The following VPS35L variants were observed in gnomAD, a reference collection of about 807,000 sequenced individuals.
VPS35L encodes VPS35 endosomal protein-sorting factor-like.
Under a neutral mutation model 133.0 loss-of-function variants are expected in VPS35L, and 83 were observed. The observed-to-expected ratio is 0.62, with a 90% CI of 0.52 to 0.75. The LOEUF is 0.75. Ranked by LOEUF, VPS35L falls within the 30% of genes least tolerant of loss-of-function variation. VPS35L has a pLI of 0.00. For missense variants in VPS35L, 1,083 were observed against 1,206.8 expected (o/e 0.90, Z 1.52); for synonymous variants, 423 against 449.9 (o/e 0.94, Z 0.76).
At chr16:19,643,958 CAAAACA>C (rs897237986) in intron 22 of VPS35L, among the ~76,000 whole-genome samples, 6 of 151,874 alleles carry the variant, frequency 4.0e-5, no homozygotes, top group South Asian at 2.1e-4. Flanking sequence ...AACTCCATCT[CAAAACA>C]AAAACAAAAA....
intron 29 of VPS35L, among the ~76,000 whole-genome samples, chr16:19,694,975 C>T (rs1186778721): frequency 6.6e-6 from 1 of 150,956 alleles, no homozygotes; most frequent in Non-Finnish European, 1.5e-5. Context: ...CACTGCACTC[C>T]AGCCTGGGTG....
At chr16:19,604,065 G>T (rs1482143255) in intron 9 of VPS35L, among the ~76,000 whole-genome samples, 1 of 151,450 alleles carries the variant, frequency 6.6e-6, no homozygotes, top group East Asian at 1.9e-4. Context: ...TTGCCAGCAT[G>T]TAGCATGCTA....
At chr16:19,679,411 T>A (rs1008126584) in intron 27 of VPS35L, among the ~76,000 whole-genome samples, 1 of 129,352 alleles carries the variant, frequency 7.7e-6, no homozygotes, top group Non-Finnish European at 1.6e-5. Flanking sequence ...CACACGTGGC[T>A]AATTTTTTTT....
Position 19,699,019 on chromosome 16 carries a change from A to G in VPS35L, c.2647-483A>G, listed in dbSNP as rs2151633382. On this transcript the variant is annotated intron_variant, in intron 29 of 30. Transcript: ENST00000417362. This position sits in a 1 kb window ranked among gnomAD's most constrained non-coding sequence, Gnocchi z 4.2. ...CGTGTAAAGGCTGGATATGGGCACC[A>G]AGGATTGGGGAGCTCAGTTCGGGAG... 6.6e-6 allele frequency among the ~76,000 whole-genome samples: 1 copy of G among 152,310 alleles called. No homozygotes were observed. Among genetic ancestry groups the G allele is most frequent in the East Asian group, 1.9e-4 (1 of 5,184 alleles).
At chr16:19,648,226 A>G (rs904598779) in intron 24 of VPS35L, among the ~76,000 whole-genome samples, 2 of 151,982 alleles carry the variant, frequency 1.3e-5, no homozygotes, top group Admixed American at 1.3e-4. Context: ...TGGCCTCCCA[A>G]AATGCTGGGA....
At chr16:19,563,700 CAGTG>C (rs1971096447) in intron 1 of VPS35L, among the ~76,000 whole-genome samples, 1 of 152,344 alleles carries the variant, frequency 6.6e-6, no homozygotes, top group East Asian at 1.9e-4. Context: ...AATGAAAACA[CAGTG>C]AGCTCTTCAT....
intron 19 of VPS35L, among the ~76,000 whole-genome samples, chr16:19,634,027 A>G (rs767833931): frequency 7.2e-5 from 11 of 151,918 alleles, no homozygotes; most frequent in Non-Finnish European, 1.3e-4. Context: ...CACCCGGCCA[A>G]CTGTTAACAT....
chr16:19,667,033 G>A (rs559095732), intron 26 of VPS35L, among the ~76,000 whole-genome samples: 16 of 146,420 alleles, frequency 1.1e-4, no homozygotes, highest in African/African-American at 3.3e-4. Context: ...GCCCAGGCTC[G>A]GCTCACTGCA....
rs1974149256 is a variant in VPS35L at position 19,652,099 on chromosome 16, A to G, written c.2221+9A>G. On this transcript the variant is annotated intron_variant, in intron 26 of 30. Transcript: ENST00000417362. ...CCAGTGCCTCTCCCAAGGTAAGTCC[A>G]TCATTCTCTCATCTCGGGCACTCCC... 1.3e-6 allele frequency: 2 copies of G among 1,543,840 alleles called. No homozygotes were observed. The highest frequency in any genetic ancestry group is 2.3e-5 in the South Asian group (2 of 86,798).
intron 27 of VPS35L, among the ~76,000 whole-genome samples, chr16:19,680,192 G>T (rs1548446): frequency 6.6e-6 from 1 of 151,964 alleles, no homozygotes; most frequent in Non-Finnish European, 1.5e-5. Context: ...ATGGGGCTTC[G>T]TCGTAGTATC....
At chr16:19,692,634 G>T (rs1018892557) in intron 29 of VPS35L, among the ~76,000 whole-genome samples, 2 of 152,052 alleles carry the variant, frequency 1.3e-5, no homozygotes, top group African/African-American at 4.8e-5. Flanking sequence ...CATGATCTTA[G>T]CTCACTGCAA....
chr16:19,700,637 A>T lies in VPS35L; in HGVS notation c.*161A>T, dbSNP rs1414286481. The T allele has an allele frequency of 1.6e-6, 1 of 610,410 alleles. No individual in the cohort carries two copies. Among genetic ancestry groups the T allele is most frequent in the Non-Finnish European group, 2.9e-6 (1 of 347,314 alleles). 37.8% of individuals were successfully genotyped at this position (610,410 alleles called of 1,614,324 possible). A position where few individuals can be genotyped will look rare whatever the true frequency, so the allele number is the denominator to read the frequency against. ...TTTGGCCTCTATCCAGGTTATTCTG[A>T]CAATGAAGAAATGGGAGTTGTCAGA... On this transcript the variant is annotated 3_prime_UTR_variant, in exon 31 of 31. Coordinates refer to ENST00000417362, the MANE Select transcript of VPS35L (RefSeq NM_020314.7).
chr16:19,613,810 A>G (rs931795690), intron 12 of VPS35L, among the ~76,000 whole-genome samples: 17 of 152,154 alleles, frequency 1.1e-4, no homozygotes, highest in Admixed American at 2.0e-4. Context: ...CACAAACCTC[A>G]TGGTCCAAGA....
At chr16:19,663,669 CTTTTTT>C (rs59826351) in intron 26 of VPS35L, among the ~76,000 whole-genome samples, 9 of 63,916 alleles carry the variant, frequency 1.4e-4, no homozygotes, top group African/African-American at 2.1e-4. Context: ...GCAGTAATTT[CTTTTTT>C]TTTTTTTTTT....
At chr16:19,589,417 T>A (rs973116133) in intron 7 of VPS35L, among the ~76,000 whole-genome samples, 3 of 152,094 alleles carry the variant, frequency 2.0e-5, no homozygotes, top group African/African-American at 7.2e-5. Flanking sequence ...ATAATTTTTG[T>A]ATTTTTTGTA....
At chr16:19,698,503 G>C (rs1042335382) in intron 29 of VPS35L, among the ~76,000 whole-genome samples, 1 of 152,130 alleles carries the variant, frequency 6.6e-6, no homozygotes, top group Non-Finnish European at 1.5e-5. Context: ...AGCAGCACCG[G>C]GATTCATGTT....
chr16:19,607,936 G>T (rs1169277551), intron 9 of VPS35L: 1 of 460,112 alleles, frequency 2.2e-6, no homozygotes, highest in Non-Finnish European at 3.9e-6. Context: ...TACCTCAGAG[G>T]GTTGCTATAT....
At position 19,626,180 on chromosome 16, in the gene VPS35L, C is replaced by T. The variant is rs750398116; in HGVS notation, c.1228C>T (p.Leu410=). 2 of 1,591,792 alleles carry T rather than the reference C, an allele frequency of 1.3e-6. No individual in the cohort carries two copies. Among genetic ancestry groups the T allele is most frequent in the Non-Finnish European group, 1.7e-6 (2 of 1,165,176 alleles). Reference sequence around the variant, plus strand: ...ATTATTATTTTTAACATAATAGGCTCTGCTGACCGAGATGATGGAAAGGTG... The same window carrying T: ...ATTATTATTTTTAACATAATAGGCTTTGCTGACCGAGATGATGGAAAGGTG... ...QCISYHAPEA[L]LTEMMERCKK... Residue 410 remains leucine, a synonymous_variant, in exon 15 of 31, where the codon CTG becomes TTG. Transcript: ENST00000417362.
At chr16:19,630,438 A>C (rs2151567992) in intron 18 of VPS35L, among the ~76,000 whole-genome samples, 1 of 142,584 alleles carries the variant, frequency 7.0e-6, no homozygotes, top group Middle Eastern at 4.1e-3. Context: ...GGTTCACGCC[A>C]TTCTCCTGCC....
Sources: gnomAD v4.1 joint callset for allele counts (sites outside exome capture counted in the v4.1 genomes callset) on GRCh38, gnomAD v4.1.1 for gene constraint, Gnocchi (gnomAD v3.1) non-coding constraint, MANE v1.5 for transcripts, NCBI Gene and HGNC (gene_info 2026-07-23, HGNC 2026-07-21) for gene names.